Variants in FOCAD observed in about 807,000 individuals in gnomAD.
FOCAD encodes the protein KIAA1797.
Under a neutral mutation model 225.6 loss-of-function variants are expected in FOCAD, and 198 were observed. The observed-to-expected ratio is 0.88, with a 90% confidence interval of 0.78 to 0.99. FOCAD has a LOEUF of 0.99. Among genes scored for constraint, FOCAD ranks in the 50% least tolerant of loss-of-function variants. The pLI, the probability that FOCAD is intolerant of heterozygous loss-of-function variation, is 0.00. For missense variants in FOCAD, 2,713 were observed against 2,123.6 expected, an observed-to-expected ratio of 1.28 and a Z score of -5.46; for synonymous variants, 897 against 755.0, an observed-to-expected ratio of 1.19 and a Z score of -3.08.
intron 11 of FOCAD, among the ~76,000 whole-genome samples, chr9:20,804,413 G>A (rs950142476): frequency 5.9e-5 from 9 of 152,016 alleles, no homozygotes; most frequent in African/African-American, 1.9e-4. Context: ...TTGAAGCCGG[G>A]GAGGGTTCAG....
In FOCAD at chr9:20,986,453, C is replaced by T. The variant is rs1468557281; in HGVS notation, c.4894C>T (p.His1632Tyr). The change falls in exon 40 of 44, where the codon CAT (histidine) becomes TAT (tyrosine). Residue 1632 changes from histidine to tyrosine, a missense_variant. By Grantham distance (83) the His-to-Tyr change is moderately conservative. Coordinates refer to ENST00000338382, the MANE Select transcript of FOCAD (RefSeq NM_001375567.1). ...CTTATACCAGGCACGGATTGTGAGC[C>T]ATGCCAATACGGGTGAGGACACCCT... ...HSLYQARIVS[H>Y]ANTGVLKRME... is the part of the protein sequence containing the mutation. The T allele has an allele frequency of 3.7e-6, 6 of 1,609,614 alleles. No individual in the cohort carries two copies. The highest frequency in any genetic ancestry group is 3.4e-5 in the Admixed American group (2 of 59,304).
intron 43 of FOCAD, among the ~76,000 whole-genome samples, chr9:20,994,082 A>G (rs560535778): frequency 2.6e-5 from 4 of 152,322 alleles, no homozygotes; most frequent in African/African-American, 9.6e-5. Flanking sequence ...TAATTTTAAC[A>G]TTCTTTTTCA....
At position 20,933,117 on chromosome 9, in the gene FOCAD, A is replaced by T; in HGVS notation, c.3407+14A>T. The T allele has an allele frequency of 6.3e-7, 1 of 1,592,310 alleles. No homozygotes were observed. Among genetic ancestry groups the T allele is most frequent in the Non-Finnish European group, 8.6e-7 (1 of 1,160,574 alleles). On this transcript the variant is annotated intron_variant, in intron 28 of 43. Coordinates refer to ENST00000338382, the MANE Select transcript of FOCAD (RefSeq NM_001375567.1). Reference sequence around the variant, plus strand: ...TCTTGAATACAAGTATGTTGTTCCTATTTCCACTCTCACAGGTACTTAGAC... The same window carrying T: ...TCTTGAATACAAGTATGTTGTTCCTTTTTCCACTCTCACAGGTACTTAGAC...
intron 2 of FOCAD, among the ~76,000 whole-genome samples, chr9:20,665,880 A>C (rs1205522040): frequency 4.6e-5 from 7 of 151,640 alleles, no homozygotes; most frequent in African/African-American, 1.5e-4. Flanking sequence ...AAAATACAAA[A>C]ATTATATATT....
intron 1 of FOCAD, among the ~76,000 whole-genome samples, chr9:20,695,155 T>C (rs2131368166): frequency 6.6e-6 from 1 of 152,316 alleles, no homozygotes; most frequent in Admixed American, 6.5e-5. Flanking sequence ...TTCTTGTAAA[T>C]TGGTAATTAA....
intron 19 of FOCAD, 84 bp from the exon 20 acceptor site, chr9:20,881,787 G>A: frequency 2.9e-6 from 4 of 1,357,316 alleles, no homozygotes; most frequent in Non-Finnish European, 4.1e-6. Context: ...TAGCTTAGTT[G>A]TTTGTATATG....
chr9:20,921,130 G>C (rs1304748612), intron 24 of FOCAD, among the ~76,000 whole-genome samples: 2 of 152,020 alleles, frequency 1.3e-5, no homozygotes, highest in South Asian at 2.1e-4. Flanking sequence ...TATAAAACCT[G>C]ATGATTGATG....
chr9:20,852,913 T>C (rs550276016), intron 15 of FOCAD, among the ~76,000 whole-genome samples: 20 of 151,886 alleles, frequency 1.3e-4, no homozygotes, highest in South Asian at 1.0e-3. Flanking sequence ...TTTTAAGCTA[T>C]GTTGATTTAA....
At chr9:20,827,341 T>C (rs772140865) in intron 15 of FOCAD, among the ~76,000 whole-genome samples, 5 of 152,128 alleles carry the variant, frequency 3.3e-5, no homozygotes, top group Non-Finnish European at 5.9e-5. Context: ...ACTCAACATA[T>C]TTTCAAGGTT....
intron 28 of FOCAD, among the ~76,000 whole-genome samples, chr9:20,940,738 A>G (rs1029756756): frequency 6.6e-6 from 1 of 152,212 alleles, no homozygotes. Flanking sequence ...TGGTTTACAG[A>G]TAAAGAATGT....
intron 35 of FOCAD, among the ~76,000 whole-genome samples, chr9:20,958,998 A>G (rs147287782): frequency 1.9e-4 from 29 of 152,260 alleles, no homozygotes; most frequent in African/African-American, 5.8e-4. Context: ...TAAAATAAAC[A>G]TGGGGTACAG....
At position 20,976,973 on chromosome 9, in the gene FOCAD, A is replaced by G. The variant is rs183160034; in HGVS notation, c.4261+425A>G. Among the ~76,000 whole-genome samples the G allele has an allele frequency of 2.6e-5, 4 of 152,338 alleles. No homozygotes were observed. The South Asian group carries it at 8.3e-4, about 32-fold the overall frequency. The stretch of plus-strand genomic sequence containing the variant: ...ACAAATTTATTATCTTTACATGTCC[A>G]TAGGCCAGAAGTCCAACATGTTTCT... On this transcript the variant is annotated intron_variant, in intron 36 of 43. Coordinates refer to ENST00000338382, the MANE Select transcript of FOCAD (RefSeq NM_001375567.1).
intron 14 of FOCAD, among the ~76,000 whole-genome samples, chr9:20,822,196 T>C (rs1824408468): frequency 6.6e-6 from 1 of 151,986 alleles, no homozygotes; most frequent in South Asian, 2.1e-4. Context: ...CTAACTTATT[T>C]AGTATTCCTT....
rs530198582 is a variant in FOCAD, at chr9:20,860,723, C to G, written c.1921-1855C>G. The stretch of plus-strand genomic sequence containing the variant: ...ACAGGGTTTCACTGTGTTGGCCAGG[C>G]TGGTCTCGAACTCCTGACCTTAAGT... On this transcript the variant is annotated intron_variant, in intron 15 of 43. Transcript: ENST00000338382. 3.3e-5 allele frequency among the ~76,000 whole-genome samples: 5 copies of G among 152,312 alleles called. No homozygotes were observed. The South Asian group carries it at 1.0e-3, about 32-fold the overall frequency.
chr9:20,794,685 GAGA>G (rs1352701396), intron 11 of FOCAD, among the ~76,000 whole-genome samples: 1 of 152,164 alleles, frequency 6.6e-6, no homozygotes, highest in Non-Finnish European at 1.5e-5. Flanking sequence ...AGGGATTTCA[GAGA>G]AGAACAGGAA....
intron 8 of FOCAD, 102 bp downstream of exon 8, chr9:20,770,340 G>C: frequency 2.4e-5 from 26 of 1,081,062 alleles, no homozygotes; most frequent in Non-Finnish European, 3.1e-5. Context: ...TTACAGTCTG[G>C]CAGGCTGTAC....
intron 11 of FOCAD, among the ~76,000 whole-genome samples, chr9:20,791,094 T>A (rs1003128650): frequency 6.6e-6 from 1 of 152,180 alleles, no homozygotes; most frequent in Non-Finnish European, 1.5e-5. Flanking sequence ...ATCTCTAGAA[T>A]AGTTAATGCA....
intron 28 of FOCAD, among the ~76,000 whole-genome samples, chr9:20,941,176 T>C (rs564790739): frequency 6.6e-6 from 1 of 152,284 alleles, no homozygotes; most frequent in East Asian, 1.9e-4. Context: ...AAATTCACCA[T>C]GCTTCCCGAT....
Position 20,948,888 on chromosome 9 carries a change from G to A in FOCAD, c.3836G>A (p.Gly1279Asp). The A allele has an allele frequency of 2.5e-6, 4 of 1,613,544 alleles. No individual in the cohort carries two copies. Among genetic ancestry groups the A allele is most frequent in the Non-Finnish European group, 3.4e-6 (4 of 1,179,560 alleles). The part of the protein sequence containing the change: ...PTMLCLAALH[G>D]MVALVGSEGD... ...ATGCTTTGTCTGGCAGCTCTTCATG[G>A]CATGGTGGCCTTGGTAGGCTCTGAA... The change falls in exon 32 of 44, where the codon GGC becomes GAC. Residue 1279 changes from glycine to aspartate, a missense_variant. Coordinates refer to ENST00000338382, the MANE Select transcript of FOCAD (RefSeq NM_001375567.1).
Sources: gnomAD v4.1 joint callset for allele counts (sites outside exome capture counted in the v4.1 genomes callset) on GRCh38, gnomAD v4.1.1 for gene constraint, MANE v1.5 for transcripts, NCBI Gene and HGNC (gene_info 2026-07-23, HGNC 2026-07-21) for gene names.